The following SOBP variants were observed in gnomAD, a reference collection of about 807,000 sequenced individuals.
The protein encoded by SOBP is sine oculis binding protein homolog.
In SOBP, 4 loss-of-function variants were observed where a neutral mutation model predicts 53.6. The ratio of observed to expected loss-of-function variants is 0.07; its 90% CI spans 0.04 to 0.17. The LOEUF (loss-of-function observed/expected upper bound fraction) is 0.17, where lower values mean the gene tolerates loss of function less well. Among genes scored for constraint, SOBP ranks in the 10% least tolerant of loss-of-function variants. The pLI is 1.00. For missense variants in SOBP, 1,088 were observed against 1,204.7 expected (o/e 0.90, Z 1.43); for synonymous variants, 584 against 522.6 (o/e 1.12, Z -1.60).
intron 3 of SOBP, among the ~76,000 whole-genome samples, chr6:107,508,755 T>C (rs1210486613): frequency 1.3e-5 from 2 of 152,306 alleles, no homozygotes; most frequent in East Asian, 3.9e-4. Context: ...TGTTTTGTGA[T>C]ACGGAGGGGT....
At position 107,634,617 on chromosome 6, in the gene SOBP, G is replaced by A. The variant is rs781457231; in HGVS notation, c.1773G>A (p.Ser591=). The A allele has an allele frequency of 1.9e-6, 3 of 1,594,188 alleles. No homozygotes were observed. The South Asian group carries it at 3.3e-5, about 18-fold the overall frequency. Residue 591 remains serine (S), a synonymous_variant, in exon 6 of 7, where the codon TCG becomes TCA. Coordinates refer to ENST00000317357, the MANE Select transcript of SOBP (RefSeq NM_018013.4). The surrounding 1 kb of genome is among the most constrained non-coding windows in gnomAD (Gnocchi z 4.5). Reference sequence around the variant, plus strand: ...CCCCCCGGGACTCCAAGCAGGGCTCGTCCAAGTCCGCGGACTCGCCCCCCG... The same window carrying A: ...CCCCCCGGGACTCCAAGCAGGGCTCATCCAAGTCCGCGGACTCGCCCCCCG... The part of the protein sequence containing the change: ...SLSPRDSKQG[S]SKSADSPPGC...
intron 4 of SOBP, among the ~76,000 whole-genome samples, chr6:107,534,003 T>A (rs2114988821): frequency 6.6e-6 from 1 of 152,344 alleles, no homozygotes; most frequent in Non-Finnish European, 1.5e-5. Flanking sequence ...TTAGCCCACT[T>A]AGTTTAATTC....
chr6:107,621,630 C>T (rs1360934169), intron 5 of SOBP, among the ~76,000 whole-genome samples: 1 of 152,174 alleles, frequency 6.6e-6, no homozygotes, highest in Non-Finnish European at 1.5e-5. Flanking sequence ...GAGCCCAACA[C>T]ACGGAGCCTT....
intron 3 of SOBP, among the ~76,000 whole-genome samples, chr6:107,521,519 T>G (rs2883210): frequency 0.053 from 8,080 of 151,588 alleles, 292 homozygotes; most frequent in Middle Eastern, 0.16. Flanking sequence ...GAATTCTTAG[T>G]ATACACAATT....
At chr6:107,516,335 T>C (rs149575706) in intron 3 of SOBP, among the ~76,000 whole-genome samples, 1 of 151,988 alleles carries the variant, frequency 6.6e-6, no homozygotes, top group African/African-American at 2.4e-5. Flanking sequence ...GGTGATGCGC[T>C]CCTATAATCC....
At chr6:107,586,936 C>A in intron 4 of SOBP, 144 bp from the exon 5 acceptor site, 1 of 723,712 alleles carries the variant, frequency 1.4e-6, no homozygotes. Context: ...ACCTAAAAGG[C>A]GTACTGCGTA....
chr6:107,617,887 G>C (rs575527322), intron 5 of SOBP, among the ~76,000 whole-genome samples: 190 of 146,692 alleles, frequency 1.3e-3, no homozygotes, highest in African/African-American at 4.5e-3. Context: ...GAGTGCAGTG[G>C]CACGATCTCA....
intron 5 of SOBP, among the ~76,000 whole-genome samples, chr6:107,605,662 A>G (rs1189226954): frequency 1.3e-5 from 2 of 152,152 alleles, no homozygotes; most frequent in Admixed American, 1.3e-4. Flanking sequence ...ACAAAACCCA[A>G]ACCTTTCCTC....
intron 5 of SOBP, among the ~76,000 whole-genome samples, chr6:107,602,236 A>G (rs950936157): frequency 6.6e-6 from 1 of 152,238 alleles, no homozygotes; most frequent in East Asian, 1.9e-4. Context: ...ATCTGCAATT[A>G]TAAGTAATCT....
At chr6:107,590,959 A>C (rs1414589634) in intron 5 of SOBP, among the ~76,000 whole-genome samples, 1 of 152,184 alleles carries the variant, frequency 6.6e-6, no homozygotes, top group Non-Finnish European at 1.5e-5. Context: ...GACACAACAT[A>C]GAAAAAGACA....
At chr6:107,579,320 A>C (rs1207646848) in intron 4 of SOBP, among the ~76,000 whole-genome samples, 1 of 152,206 alleles carries the variant, frequency 6.6e-6, no homozygotes, top group East Asian at 1.9e-4. Flanking sequence ...GCTGGGCCTT[A>C]CCTGTGAAAT....
At position 107,616,092 on chromosome 6, in the gene SOBP, G is replaced by T. The variant is rs966122516; in HGVS notation, c.670-17422G>T. ...TCATTGAGGAAGGGGGGTGGGGGGG[G>T]GGCGGGGGGGCGGCTTCAGCCATTG... On this transcript the variant is annotated intron_variant, in intron 5 of 6. Coordinates refer to ENST00000317357, the MANE Select transcript of SOBP (RefSeq NM_018013.4). Among the ~76,000 whole-genome samples the T allele has an allele frequency of 4.0e-5, 5 of 124,748 alleles. 1 individual carries two copies. 81.8% of individuals were successfully genotyped at this position (124,748 alleles called of 152,430 possible).
intron 5 of SOBP, among the ~76,000 whole-genome samples, chr6:107,618,103 A>T (rs139843122): frequency 0.014 from 2,093 of 152,264 alleles, 26 homozygotes; most frequent in Non-Finnish European, 0.021. Flanking sequence ...TACTGGGATT[A>T]CAGGTGTGAG....
chr6:107,551,686 G>A (rs1201449381), intron 4 of SOBP, among the ~76,000 whole-genome samples: 1 of 152,172 alleles, frequency 6.6e-6, no homozygotes, highest in Non-Finnish European at 1.5e-5. Flanking sequence ...ATTTTCCTGT[G>A]TGATCCACTC....
intron 4 of SOBP, among the ~76,000 whole-genome samples, chr6:107,548,478 G>A (rs976362412): frequency 1.3e-5 from 2 of 151,986 alleles, no homozygotes; most frequent in African/African-American, 4.8e-5. Flanking sequence ...TCCTGACCTC[G>A]TGATGCGCCC....
intron 3 of SOBP, among the ~76,000 whole-genome samples, chr6:107,532,257 A>T (rs959860385): frequency 1.3e-5 from 2 of 150,704 alleles, no homozygotes; most frequent in Non-Finnish European, 3.0e-5. Flanking sequence ...ACACACACAC[A>T]CACACACACA....
At chr6:107,491,288 C>G (rs868157082) in intron 1 of SOBP, among the ~76,000 whole-genome samples, 2 of 152,218 alleles carry the variant, frequency 1.3e-5, no homozygotes, top group Non-Finnish European at 2.9e-5. Flanking sequence ...CCCGCCCCCG[C>G]CCGCACCTCA....
At chr6:107,592,651 A>G (rs1785796246) in intron 5 of SOBP, among the ~76,000 whole-genome samples, 1 of 152,220 alleles carries the variant, frequency 6.6e-6, no homozygotes, top group African/African-American at 2.4e-5. Context: ...AAAACATCAT[A>G]TGATGTATGC....
chr6:107,604,840 A>G (rs956787241), intron 5 of SOBP, among the ~76,000 whole-genome samples: 2 of 152,182 alleles, frequency 1.3e-5, no homozygotes, highest in Non-Finnish European at 2.9e-5. Flanking sequence ...GTGCGTCTTC[A>G]TGGGTGCGTG....
Sources: gnomAD v4.1 joint callset for allele counts (sites outside exome capture counted in the v4.1 genomes callset) on GRCh38, gnomAD v4.1.1 for gene constraint, Gnocchi (gnomAD v3.1) non-coding constraint, MANE v1.5 for transcripts, NCBI Gene and HGNC (gene_info 2026-07-23, HGNC 2026-07-21) for gene names.